Variants in ANAPC7 observed in about 807,000 individuals in gnomAD.
The protein encoded by ANAPC7 is anaphase promoting complex subunit 7.
In ANAPC7, 25 loss-of-function variants were observed where a neutral mutation model predicts 63.3. The observed-to-expected ratio is 0.39, with a 90% CI of 0.29 to 0.55. The LOEUF (loss-of-function observed/expected upper bound fraction) is 0.55, where lower values mean the gene tolerates loss of function less well. Among genes scored for constraint, ANAPC7 ranks in the 20% least tolerant of loss-of-function variants. The pLI is 0.57. For missense variants in ANAPC7, 516 were observed against 691.7 expected (o/e 0.75, Z 2.85); for synonymous variants, 241 against 251.7 (o/e 0.96, Z 0.40).
At chr12:110,386,659 A>G in intron 5 of ANAPC7, 190 bp from the exon 6 acceptor site, 1 of 535,710 alleles carries the variant, frequency 1.9e-6, no homozygotes, top group Non-Finnish European at 3.2e-6. Context: ...CAAAGAATAA[A>G]GCAGAAGTCT....
intron 1 of ANAPC7, among the ~76,000 whole-genome samples, chr12:110,402,107 G>A (rs1424280316): frequency 6.6e-6 from 1 of 150,774 alleles, no homozygotes. Flanking sequence ...CCCAGGAAGC[G>A]GAGGCTGCAG....
chr12:110,387,287 C>CAGAGAGAGAGAGAGAG (rs1304470791), intron 5 of ANAPC7: 1 of 49,040 alleles, frequency 2.0e-5, no homozygotes, highest in African/African-American at 8.3e-5. Context: ...GAGAGAGAGA[C>CAGAGAGAGAGAGAGAG]AGAGAGAGAG....
chr12:110,377,009 C>T (rs142843807), intron 9 of ANAPC7, among the ~76,000 whole-genome samples: 2,257 of 151,150 alleles, frequency 0.015, 62 homozygotes, highest in African/African-American at 0.053. Context: ...TGGTGGTGCA[C>T]GCCTGTAGTC....
At chr12:110,389,398 A>ATATCT (rs1882908681) in intron 3 of ANAPC7, among the ~76,000 whole-genome samples, 1 of 146,166 alleles carries the variant, frequency 6.8e-6, no homozygotes, top group South Asian at 2.1e-4. Flanking sequence ...AAAGACAGAT[A>ATATCT]AAGAAGTATA....
intron 4 of ANAPC7, 57 bp downstream of exon 4, chr12:110,388,455 A>C: frequency 7.4e-7 from 1 of 1,354,136 alleles, no homozygotes; most frequent in African/African-American, 1.4e-5. Flanking sequence ...GGCAAGATTG[A>C]GAACTACTAT....
chr12:110,402,368 C>G (rs903220505), intron 1 of ANAPC7, among the ~76,000 whole-genome samples: 21 of 149,864 alleles, frequency 1.4e-4, no homozygotes, highest in African/African-American at 4.4e-4. Context: ...CTCGCTCTGT[C>G]GTCCAGGCTG....
Position 110,403,652 on chromosome 12 carries a change from C to T in ANAPC7, c.-25G>A, listed in dbSNP as rs1437289922. The T allele has an allele frequency of 1.9e-6, 3 of 1,574,716 alleles. No individual in the cohort carries two copies. In the South Asian group the frequency reaches 3.5e-5, roughly 18 times the overall value. On this transcript the variant is annotated 5_prime_UTR_variant, in exon 1 of 11. Transcript: ENST00000455511. ...TCCTGCTCTGCAAAGCCGCGGGCAG[C>T]GGCGGCAGCACTGACTCGAAAAGCC...
At chr12:110,376,251 G>A in intron 9 of ANAPC7, 35 bp from the exon 10 acceptor site, 1 of 1,607,734 alleles carries the variant, frequency 6.2e-7, no homozygotes, top group South Asian at 1.1e-5. Context: ...CTTAAGTCAT[G>A]TACAAAAAAA....
rs1169931270 is a variant in ANAPC7, at chr12:110,375,148, G to A, written c.1509-815C>T. On this transcript the variant is annotated intron_variant, in intron 10 of 10. Coordinates refer to ENST00000455511, the MANE Select transcript of ANAPC7 (RefSeq NM_016238.3). ...TACCGATATAAATGCGGACCGATCT[G>A]TAACATCTCCTCGTCTCCTGGTTGA... is the stretch of plus-strand genomic sequence containing the variant. Among the ~76,000 whole-genome samples the A allele has an allele frequency of 2.6e-5, 4 of 152,178 alleles. No homozygotes were observed. In the East Asian group the frequency reaches 5.8e-4, roughly 22 times the overall value.
intron 1 of ANAPC7, among the ~76,000 whole-genome samples, chr12:110,403,177 G>C (rs1592937713): frequency 6.6e-6 from 1 of 152,202 alleles, no homozygotes; most frequent in East Asian, 1.9e-4. Context: ...AGAAAAAAAC[G>C]TTCTTCTGGA....
chr12:110,396,505 T>G, intron 1 of ANAPC7, 53 bp from the exon 2 acceptor site: 1 of 1,340,654 alleles, frequency 7.5e-7, no homozygotes. Context: ...CAATCCAAGC[T>G]CCCCCAGCTT....
intron 6 of ANAPC7, among the ~76,000 whole-genome samples, chr12:110,383,564 C>A (rs1009766078): frequency 1.3e-5 from 2 of 151,992 alleles, no homozygotes; most frequent in South Asian, 2.1e-4. Context: ...TATGGTGAGA[C>A]CCTGTCTCTA....
chr12:110,386,048 A>G (rs2137947690), intron 6 of ANAPC7, among the ~76,000 whole-genome samples: 1 of 152,292 alleles, frequency 6.6e-6, no homozygotes, highest in East Asian at 1.9e-4. Flanking sequence ...ATAAATTTAT[A>G]AGTCATAAGG....
At chr12:110,401,298 T>C (rs1057228814) in intron 1 of ANAPC7, among the ~76,000 whole-genome samples, 2 of 152,146 alleles carry the variant, frequency 1.3e-5, no homozygotes, top group Non-Finnish European at 2.9e-5. Context: ...CTCCTCCATT[T>C]ATTGGATGTG....
chr12:110,392,426 T>C (rs1883178246), intron 3 of ANAPC7, among the ~76,000 whole-genome samples: 1 of 152,192 alleles, frequency 6.6e-6, no homozygotes, highest in South Asian at 2.1e-4. Context: ...AAGACTTGGA[T>C]GAAGCAGCAC....
chr12:110,374,388 C>T, intron 10 of ANAPC7, 55 bp from the exon 11 acceptor site: 1 of 1,558,502 alleles, frequency 6.4e-7, no homozygotes, highest in East Asian at 2.3e-5. Flanking sequence ...CTCTTGCTGG[C>T]TGATTCGTCA....
At chr12:110,383,680 A>C (rs573572489) in intron 6 of ANAPC7, among the ~76,000 whole-genome samples, 3 of 151,826 alleles carry the variant, frequency 2.0e-5, no homozygotes, top group South Asian at 2.1e-4. Flanking sequence ...CAGGAGTTCG[A>C]GACTAGGCTA....
chr12:110,389,267 C>T (rs1446089438), intron 3 of ANAPC7, among the ~76,000 whole-genome samples: 1 of 152,100 alleles, frequency 6.6e-6, no homozygotes, highest in Non-Finnish European at 1.5e-5. Context: ...CGCTAGTTAA[C>T]TTGATTCTTT....
At chr12:110,377,737 G>C (rs1357651034) in intron 8 of ANAPC7, 120 bp from the exon 9 acceptor site, 3 of 1,518,476 alleles carry the variant, frequency 2.0e-6, no homozygotes, top group Non-Finnish European at 2.7e-6. Context: ...CAGGCCACGG[G>C]AAACTGATGG....
Sources: gnomAD v4.1 joint callset for allele counts (sites outside exome capture counted in the v4.1 genomes callset) on GRCh38, gnomAD v4.1.1 for gene constraint, MANE v1.5 for transcripts, NCBI Gene and HGNC (gene_info 2026-07-23, HGNC 2026-07-21) for gene names.